The following SASH1 variants were observed in gnomAD, a reference collection of about 807,000 sequenced individuals.
SASH1 encodes SAM and SH3 domain-containing protein 1.
In SASH1, 44 loss-of-function variants were observed where a neutral mutation model predicts 125.2. The ratio of observed to expected loss-of-function variants is 0.35; its 90% CI spans 0.28 to 0.45. The LOEUF is 0.45. Among genes scored for constraint, SASH1 ranks in the 20% least tolerant of loss-of-function variants. The pLI, the probability that SASH1 is intolerant of heterozygous loss-of-function variation, is 1.00. For synonymous variants in SASH1, 639 were observed against 649.1 expected (o/e 0.98, Z 0.24); for missense variants, 1,426 against 1,614.5 (o/e 0.88, Z 2.00).
chr6:148,538,720 C>A (rs1332627686), intron 16 of SASH1, among the ~76,000 whole-genome samples: 1 of 152,168 alleles, frequency 6.6e-6, no homozygotes, highest in Non-Finnish European at 1.5e-5. Context: ...TGCCTCCCCG[C>A]ATTTTTATTT....
chr6:148,523,092 A>G (rs530065079), intron 10 of SASH1, among the ~76,000 whole-genome samples: 4 of 152,218 alleles, frequency 2.6e-5, no homozygotes, highest in Non-Finnish European at 5.9e-5. Context: ...CTTAAATGAG[A>G]TTCTAATTTA....
intron 2 of SASH1, among the ~76,000 whole-genome samples, chr6:148,412,025 G>T (rs959514012): frequency 2.6e-5 from 4 of 152,122 alleles, no homozygotes; most frequent in Admixed American, 6.5e-5. Flanking sequence ...TTATGTTGTT[G>T]CATAACCCTT....
At position 148,422,408 on chromosome 6, in the gene SASH1, T is replaced by C. The variant is rs145396853; in HGVS notation, c.286-17776T>C. Among the ~76,000 whole-genome samples, 829 of 152,184 alleles carry C rather than the reference T, an allele frequency of 5.4e-3. 12 individuals carry two copies. The highest frequency in any genetic ancestry group is 0.019 in the African/African-American group (797 of 41,512). ...TATACGTCAGTGTGCCACTTTAGAG[T>C]TGTAGAAAGAAAAAGTTGGGCCTTG... is the stretch of plus-strand genomic sequence containing the variant. On this transcript the variant is annotated intron_variant, in intron 2 of 19. Transcript: ENST00000367467.
intron 1 of SASH1, among the ~76,000 whole-genome samples, chr6:148,322,549 C>CGAA (rs1360437602): frequency 3.3e-5 from 5 of 152,128 alleles, no homozygotes; most frequent in Non-Finnish European, 5.9e-5. Context: ...CTACTCCTTC[C>CGAA]CCTGACCCTG....
intron 1 of SASH1, among the ~76,000 whole-genome samples, chr6:148,283,709 G>C (rs1232807844): frequency 6.6e-6 from 1 of 152,114 alleles, no homozygotes; most frequent in African/African-American, 2.4e-5. Context: ...GAGAGACGGA[G>C]GTTGCAGGGA....
the SASH1 span, among the ~76,000 whole-genome samples, chr6:148,243,593 AG>A: frequency 2.7e-5 from 4 of 148,628 alleles, no homozygotes; most frequent in Non-Finnish European, 4.5e-5. Context: ...CAGAGAGCCA[AG>A]ATCACGCCAC....
chr6:148,479,184 G>A (rs965236756), intron 7 of SASH1, among the ~76,000 whole-genome samples: 1 of 151,856 alleles, frequency 6.6e-6, no homozygotes, highest in Non-Finnish European at 1.5e-5. Flanking sequence ...AAGTAGCTGG[G>A]ATTATAGGCG....
At chr6:148,221,181 C>T in the SASH1 span, among the ~76,000 whole-genome samples, 1 of 152,136 alleles carries the variant, frequency 6.6e-6, no homozygotes, top group African/African-American at 2.4e-5. Flanking sequence ...GCAGCAAAAA[C>T]TACAGGAGGT....
upstream of SASH1, among the ~76,000 whole-genome samples, chr6:148,268,479 A>G (rs1778991513): frequency 6.6e-6 from 1 of 152,226 alleles, no homozygotes; most frequent in Non-Finnish European, 1.5e-5. Flanking sequence ...AATGTAATCA[A>G]CTGCTGATAT....
chr6:148,206,675 A>G, the SASH1 span, among the ~76,000 whole-genome samples: 1 of 151,796 alleles, frequency 6.6e-6, no homozygotes, highest in African/African-American at 2.4e-5. Flanking sequence ...CTGAAATACC[A>G]GCTACTCAGG....
chr6:148,330,122 A>G (rs953798554), intron 1 of SASH1, among the ~76,000 whole-genome samples: 1 of 152,220 alleles, frequency 6.6e-6, no homozygotes, highest in African/African-American at 2.4e-5. Flanking sequence ...GACTCAACAC[A>G]TACTTTTCCC....
At chr6:148,369,592 C>G (rs2114740794) in intron 1 of SASH1, among the ~76,000 whole-genome samples, 1 of 152,216 alleles carries the variant, frequency 6.6e-6, no homozygotes, top group East Asian at 1.9e-4. Flanking sequence ...AATTTAATAA[C>G]TTTCTTAAGG....
At chr6:148,470,838 C>T (rs1402322665) in intron 5 of SASH1, among the ~76,000 whole-genome samples, 2 of 152,054 alleles carry the variant, frequency 1.3e-5, no homozygotes, top group African/African-American at 4.8e-5. Flanking sequence ...CATAGCAAGA[C>T]CCGTGCAGAC....
chr6:148,321,486 C>A (rs1435399384), intron 1 of SASH1, among the ~76,000 whole-genome samples: 6 of 151,872 alleles, frequency 4.0e-5, no homozygotes, highest in African/African-American at 1.4e-4. Flanking sequence ...ACAGAGGAAC[C>A]CCTGAGATTG....
At chr6:148,306,256 A>G (rs1031319574) in intron 1 of SASH1, among the ~76,000 whole-genome samples, 4 of 152,130 alleles carry the variant, frequency 2.6e-5, no homozygotes, top group African/African-American at 9.7e-5. Context: ...GACCCAACCC[A>G]AAAGAAGCCA....
In SASH1 at chr6:148,534,919, C is replaced by G; in HGVS notation, c.2095+18C>G. On this transcript the variant is annotated intron_variant, in intron 16 of 19. Transcript: ENST00000367467. ...GTATGACAGTAAGTCCCTGTATGCA[C>G]AGAGGTGTTCCCTGTGAGGTCTGCC... The G allele has an allele frequency of 6.2e-7, 1 of 1,613,698 alleles. No individual in the cohort carries two copies. Among genetic ancestry groups the G allele is most frequent in the South Asian group, 1.1e-5 (1 of 91,062 alleles).
intron 4 of SASH1, among the ~76,000 whole-genome samples, chr6:148,456,264 G>A (rs1401267965): frequency 6.6e-6 from 1 of 151,892 alleles, no homozygotes; most frequent in Non-Finnish European, 1.5e-5. Flanking sequence ...TGCACATTTG[G>A]TAAAAATACT....
chr6:148,530,286 C>T (rs1781435056), intron 12 of SASH1, among the ~76,000 whole-genome samples: 1 of 151,984 alleles, frequency 6.6e-6, no homozygotes, highest in Non-Finnish European at 1.5e-5. Flanking sequence ...TATCAGAGAC[C>T]CACATTTACT....
chr6:148,487,799 C>A lies in SASH1; in HGVS notation c.729+84C>A, dbSNP rs113110620. 8 of 975,120 alleles carry A rather than the reference C, an allele frequency of 8.2e-6. No individual in the cohort carries two copies. The African/African-American group carries it at 1.1e-4, about 14-fold the overall frequency. 60.4% of individuals were successfully genotyped at this position (975,120 alleles called of 1,614,324 possible). A position where few individuals can be genotyped will look rare whatever the true frequency, so the allele number is the denominator to read the frequency against. On this transcript the variant is annotated intron_variant, in intron 8 of 19. Transcript: ENST00000367467. ...CCATTTTAGTCTTTGTATTTCTTTT[C>A]GAAACTTCCGACTCGCACCTGGGTC...
Sources: allele counts gnomAD v4.1 joint callset (sites outside exome capture counted in the v4.1 genomes callset), GRCh38; gene constraint gnomAD v4.1.1; transcripts MANE v1.5; gene names NCBI Gene and HGNC (gene_info 2026-07-23, HGNC 2026-07-21).